CRACD: variants seen among roughly 807,000 people sequenced by gnomAD.
CRACD encodes the protein capping protein inhibiting regulator of actin dynamics, also known as capping protein-inhibiting regulator of actin dynamics.
Under a neutral mutation model 106.8 loss-of-function variants are expected in CRACD, and 56 were observed. The observed-to-expected ratio is 0.52, with a 90% CI of 0.42 to 0.66. The LOEUF is 0.66. CRACD is among the 30% of genes least tolerant of loss of function. The pLI is 0.00. For synonymous variants in CRACD, 754 were observed against 670.8 expected (o/e 1.12, Z -1.92); for missense variants, 1,730 against 1,623.2 (o/e 1.07, Z -1.13).
At position 56,238,594 on chromosome 4, in the gene CRACD, C is replaced by T. The variant is rs1321792840; in HGVS notation, c.-188-33727C>T. On this transcript the variant is annotated intron_variant, in intron 2 of 10. Transcript: ENST00000682029. ...CATGGAGAGGATGGATATAGCGGTG[C>T]AGCCATTTTTGGAAAATACAATCTG... Among the ~76,000 whole-genome samples, 3 of 152,316 alleles carry T rather than the reference C, an allele frequency of 2.0e-5. No individual in the cohort carries two copies. The East Asian group carries it at 5.8e-4, about 29-fold the overall frequency.
At chr4:56,153,567 C>T (rs1226518029) in intron 1 of CRACD, among the ~76,000 whole-genome samples, 1 of 147,782 alleles carries the variant, frequency 6.8e-6, no homozygotes, top group Non-Finnish European at 1.5e-5. Flanking sequence ...TCACCACTCT[C>T]GCTTCATCTA....
chr4:56,165,881 C>G (rs28477109), intron 1 of CRACD, among the ~76,000 whole-genome samples: 48,535 of 151,954 alleles, frequency 0.32, 7,777 homozygotes, highest in African/African-American at 0.33. Context: ...TTTTGTAAGA[C>G]ACAGGGTCTC....
intron 1 of CRACD, among the ~76,000 whole-genome samples, chr4:56,128,734 C>G (rs531519305): frequency 1.3e-5 from 2 of 152,202 alleles, no homozygotes; most frequent in South Asian, 4.2e-4. Context: ...AGACCCCCCA[C>G]CTCAGAAACC....
intron 6 of CRACD, 138 bp from the exon 7 acceptor site, chr4:56,313,059 G>C: frequency 1.4e-6 from 1 of 719,592 alleles, no homozygotes; most frequent in Non-Finnish European, 2.4e-6. Flanking sequence ...TTCATTTTCT[G>C]AGGAGTTCCC....
At chr4:56,122,202 T>C (rs1734507709) in intron 1 of CRACD, among the ~76,000 whole-genome samples, 1 of 151,820 alleles carries the variant, frequency 6.6e-6, no homozygotes, top group African/African-American at 2.4e-5. Context: ...AAAATGTCCT[T>C]GTATTGTGCA....
intron 1 of CRACD, among the ~76,000 whole-genome samples, chr4:56,173,697 G>A (rs1031171645): frequency 6.6e-6 from 1 of 152,162 alleles, no homozygotes; most frequent in African/African-American, 2.4e-5. Context: ...GTAATAATTG[G>A]TAAAAATTTA....
intron 1 of CRACD, among the ~76,000 whole-genome samples, chr4:56,064,838 A>G (rs1732404453): frequency 6.6e-6 from 1 of 152,068 alleles, no homozygotes. Flanking sequence ...CTACAGATTC[A>G]TCGAAGTTTC....
chr4:56,300,220 T>G (rs574558653), intron 4 of CRACD, among the ~76,000 whole-genome samples: 24 of 152,342 alleles, frequency 1.6e-4, no homozygotes, highest in African/African-American at 5.8e-4. Context: ...GTGGAAATTG[T>G]GTCTGGTCAC....
At chr4:56,213,401 A>T (rs1585746) in intron 2 of CRACD, among the ~76,000 whole-genome samples, 1 of 151,928 alleles carries the variant, frequency 6.6e-6, no homozygotes, top group East Asian at 2.0e-4. Flanking sequence ...AGCCAAGATC[A>T]CGCCATTGCA....
At chr4:56,058,272 G>T (rs901073276) in intron 1 of CRACD, among the ~76,000 whole-genome samples, 3 of 152,150 alleles carry the variant, frequency 2.0e-5, no homozygotes, top group Admixed American at 6.5e-5. Context: ...GTTTCACCAT[G>T]TTGACTAGGC....
chr4:56,196,927 C>T (rs1231320527), intron 2 of CRACD, among the ~76,000 whole-genome samples: 1 of 151,994 alleles, frequency 6.6e-6, no homozygotes, highest in Non-Finnish European at 1.5e-5. Context: ...CATTTTATTG[C>T]ATCAAAGCTT....
intron 1 of CRACD, among the ~76,000 whole-genome samples, chr4:56,056,745 C>G (rs1482231912): frequency 6.6e-6 from 1 of 151,804 alleles, no homozygotes; most frequent in African/African-American, 2.4e-5. Context: ...ATGAGCCTGT[C>G]TCAAAAATAA....
At chr4:56,197,207 TC>T (rs967337582) in intron 2 of CRACD, among the ~76,000 whole-genome samples, 1 of 152,092 alleles carries the variant, frequency 6.6e-6, no homozygotes, top group Non-Finnish European at 1.5e-5. Flanking sequence ...CAAAATTCCT[TC>T]CAGTAACTTA....
chr4:56,068,447 A>G (rs985547606), intron 1 of CRACD, among the ~76,000 whole-genome samples: 2 of 152,222 alleles, frequency 1.3e-5, no homozygotes, highest in African/African-American at 4.8e-5. Context: ...TTTACTTCAG[A>G]TGAGACAGGC....
intron 1 of CRACD, among the ~76,000 whole-genome samples, chr4:56,061,418 T>A (rs1732270167): frequency 6.6e-6 from 1 of 152,038 alleles, no homozygotes; most frequent in African/African-American, 2.4e-5. Context: ...GTGATCTACC[T>A]GCCTTGGCCT....
chr4:56,247,865 G>A (rs1351554583), intron 2 of CRACD, among the ~76,000 whole-genome samples: 1 of 150,886 alleles, frequency 6.6e-6, no homozygotes, highest in Non-Finnish European at 1.5e-5. Flanking sequence ...AAAAAAAAGA[G>A]AGAGAGAGAG....
chr4:56,196,623 C>A (rs766661816), intron 2 of CRACD, among the ~76,000 whole-genome samples: 1 of 152,174 alleles, frequency 6.6e-6, no homozygotes, highest in Non-Finnish European at 1.5e-5. Flanking sequence ...AGATGCCATC[C>A]GTCCTCTGCA....
intron 4 of CRACD, 36 bp from the exon 5 acceptor site, chr4:56,307,499 A>G: frequency 6.2e-7 from 1 of 1,609,710 alleles, no homozygotes; most frequent in Admixed American, 1.7e-5. Flanking sequence ...GAACTGCTTC[A>G]CTGCTTCAGA....
At chr4:56,275,015 C>T (rs1162915290) in intron 3 of CRACD, among the ~76,000 whole-genome samples, 1 of 152,274 alleles carries the variant, frequency 6.6e-6, no homozygotes, top group East Asian at 1.9e-4. Flanking sequence ...TTATTCTTAG[C>T]AAACTAATGC....
Sources: allele counts gnomAD v4.1 joint callset (sites outside exome capture counted in the v4.1 genomes callset), GRCh38; gene constraint gnomAD v4.1.1; transcripts MANE v1.5; gene names NCBI Gene and HGNC (gene_info 2026-07-23, HGNC 2026-07-21).